Variants in RABEPK observed in about 807,000 individuals in gnomAD.
RABEPK encodes the protein 40 kDa Rab9 effector protein.
In RABEPK, 27 loss-of-function variants were observed where a neutral mutation model predicts 34.1. The ratio of observed to expected loss-of-function variants is 0.79; its 90% confidence interval spans 0.58 to 1.09. The LOEUF is 1.09. RABEPK is among the 50% of genes least tolerant of loss of function. The pLI is 0.00. For synonymous variants in RABEPK, 172 were observed against 169.2 expected, an observed-to-expected ratio of 1.02 and a Z score of -0.13; for missense variants, 449 against 462.6, an observed-to-expected ratio of 0.97 and a Z score of 0.27.
intron 5 of RABEPK, among the ~76,000 whole-genome samples, chr9:125,225,844 T>C (rs1831697126): frequency 6.6e-6 from 1 of 151,758 alleles, no homozygotes. Context: ...GCACCTGTAA[T>C]CCCAGCTACT....
intron 5 of RABEPK, among the ~76,000 whole-genome samples, chr9:125,225,977 A>C (rs1338673087): frequency 3.3e-5 from 5 of 150,790 alleles, no homozygotes; most frequent in Non-Finnish European, 5.9e-5. Flanking sequence ...AAAAAAAAGA[A>C]AAAGAAAAAG....
chr9:125,205,185 T>C (rs1466867179), intron 2 of RABEPK, among the ~76,000 whole-genome samples: 3 of 152,144 alleles, frequency 2.0e-5, no homozygotes, highest in African/African-American at 7.2e-5. Context: ...TCAGGAAGCC[T>C]TCTCTGACCA....
chr9:125,231,298 G>GAA (rs60998992), intron 6 of RABEPK, among the ~76,000 whole-genome samples: 2 of 150,724 alleles, frequency 1.3e-5, no homozygotes, highest in African/African-American at 4.9e-5. Flanking sequence ...TGTCTCAAAA[G>GAA]AAAAAAAAAT....
At chr9:125,216,814 A>G (rs1830958136) in intron 4 of RABEPK, among the ~76,000 whole-genome samples, 1 of 152,056 alleles carries the variant, frequency 6.6e-6, no homozygotes, top group Non-Finnish European at 1.5e-5. Flanking sequence ...TACAAAAGAA[A>G]AAATTAGCTG....
chr9:125,203,180 G>A (rs1830013651), intron 2 of RABEPK, 114 bp downstream of exon 2: 3 of 844,846 alleles, frequency 3.6e-6, no homozygotes, highest in Admixed American at 4.4e-5. Context: ...ACTGTCTGCA[G>A]TTTCTGGTAA....
chr9:125,217,070 C>T (rs1227738830), intron 4 of RABEPK, among the ~76,000 whole-genome samples: 1 of 151,974 alleles, frequency 6.6e-6, no homozygotes, highest in Non-Finnish European at 1.5e-5. Context: ...TAATATGGTG[C>T]TTAAGGGCAC....
At chr9:125,232,494 T>C in intron 6 of RABEPK, 102 bp from the exon 7 acceptor site, 1 of 1,318,022 alleles carries the variant, frequency 7.6e-7, no homozygotes, top group Non-Finnish European at 1.0e-6. Flanking sequence ...GAGCTCTTGG[T>C]GAATGACTTT....
At chr9:125,205,502 GT>G (rs1258624221) in intron 2 of RABEPK, among the ~76,000 whole-genome samples, 3 of 151,954 alleles carry the variant, frequency 2.0e-5, no homozygotes, top group African/African-American at 7.3e-5. Context: ...TTTAGTTTTT[GT>G]TTGTCTTTGA....
chr9:125,220,734 G>T, intron 5 of RABEPK, 34 bp downstream of exon 5: 1 of 1,597,696 alleles, frequency 6.3e-7, no homozygotes, highest in Non-Finnish European at 8.5e-7. Context: ...GGCTGGTCAG[G>T]GCCATCCCAG....
intron 4 of RABEPK, among the ~76,000 whole-genome samples, chr9:125,218,252 G>A (rs1464216703): frequency 2.7e-5 from 4 of 147,654 alleles, no homozygotes; most frequent in Non-Finnish European, 4.4e-5. Context: ...CCCGGGAGGC[G>A]GAGCTTGCAA....
At chr9:125,224,101 A>G (rs1366941672) in intron 5 of RABEPK, among the ~76,000 whole-genome samples, 1 of 151,296 alleles carries the variant, frequency 6.6e-6, no homozygotes, top group African/African-American at 2.4e-5. Context: ...AGGCTGAGGC[A>G]GGAGAATCGC....
chr9:125,209,383 T>C (rs952294103), intron 3 of RABEPK, among the ~76,000 whole-genome samples: 1 of 149,716 alleles, frequency 6.7e-6, no homozygotes, highest in Non-Finnish European at 1.5e-5. Flanking sequence ...AGCGTGTCGC[T>C]CTGTCACCCA....
chr9:125,229,752 T>G (rs142638479), intron 6 of RABEPK, among the ~76,000 whole-genome samples: 2 of 152,288 alleles, frequency 1.3e-5, no homozygotes, highest in Non-Finnish European at 2.9e-5. Flanking sequence ...CTTTTCATGT[T>G]AAATGGTTGA....
At chr9:125,204,540 C>T (rs1185209017) in intron 2 of RABEPK, among the ~76,000 whole-genome samples, 1 of 151,592 alleles carries the variant, frequency 6.6e-6, no homozygotes, top group Non-Finnish European at 1.5e-5. Flanking sequence ...GAGATGGTGC[C>T]ACTGCACTCC....
chr9:125,201,854 C>T (rs1381004106), intron 1 of RABEPK, among the ~76,000 whole-genome samples: 4 of 151,618 alleles, frequency 2.6e-5, no homozygotes, highest in South Asian at 2.1e-4. Flanking sequence ...CCTCATGATC[C>T]GCCTGCCTCG....
intron 4 of RABEPK, among the ~76,000 whole-genome samples, chr9:125,215,206 T>G (rs910420957): frequency 2.7e-5 from 4 of 149,286 alleles, no homozygotes; most frequent in African/African-American, 7.4e-5. Flanking sequence ...AATAGGTGGG[T>G]TTTTTTTTTT....
intron 4 of RABEPK, among the ~76,000 whole-genome samples, chr9:125,215,032 C>T (rs973351249): frequency 3.3e-5 from 5 of 151,914 alleles, no homozygotes; most frequent in Non-Finnish European, 5.9e-5. Context: ...TCAGGTGATC[C>T]GCCCACCTCA....
At chr9:125,212,240 T>C (rs1830635486) in intron 3 of RABEPK, among the ~76,000 whole-genome samples, 1 of 152,174 alleles carries the variant, frequency 6.6e-6, no homozygotes, top group African/African-American at 2.4e-5. Context: ...TGTTTGTTTG[T>C]TTTTTGAGAC....
intron 4 of RABEPK, among the ~76,000 whole-genome samples, chr9:125,218,464 T>A (rs1291089285): frequency 6.6e-6 from 1 of 151,814 alleles, no homozygotes; most frequent in Non-Finnish European, 1.5e-5. Context: ...TCCGCTCACT[T>A]CCCAAGCTTG....
Sources: gnomAD v4.1 joint callset for allele counts (sites outside exome capture counted in the v4.1 genomes callset) on GRCh38, gnomAD v4.1.1 for gene constraint, MANE v1.5 for transcripts, NCBI Gene and HGNC (gene_info 2026-07-23, HGNC 2026-07-21) for gene names.